Variants in SULF1 observed in about 807,000 individuals in gnomAD.
SULF1 encodes extracellular sulfatase Sulf-1.
In SULF1, 46 loss-of-function variants were observed where a neutral mutation model predicts 110.5. The ratio of observed to expected loss-of-function variants is 0.42; its 90% CI spans 0.33 to 0.53. The LOEUF (loss-of-function observed/expected upper bound fraction) is 0.53, where lower values mean the gene tolerates loss of function less well. Ranked by LOEUF, SULF1 falls within the 20% of genes least tolerant of loss-of-function variation. The probability of loss-of-function intolerance (pLI) is 0.12; values close to 1 mark genes in which losing one functional copy is unlikely to be tolerated. For synonymous variants in SULF1, 371 were observed against 387.1 expected (o/e 0.96, Z 0.49); for missense variants, 941 against 1,094.2 (o/e 0.86, Z 1.98).
At chr8:69,526,386 C>G (rs886586878) in intron 3 of SULF1, among the ~76,000 whole-genome samples, 2 of 152,028 alleles carry the variant, frequency 1.3e-5, no homozygotes, top group Non-Finnish European at 2.9e-5. Context: ...ATTAGTCAAT[C>G]TGTTCAAATG....
At chr8:69,573,049 AT>A (rs1805351344) in intron 5 of SULF1, among the ~76,000 whole-genome samples, 2 of 152,286 alleles carry the variant, frequency 1.3e-5, no homozygotes, top group South Asian at 4.1e-4. Flanking sequence ...CTGGTCTTGA[AT>A]TCCCCGCCTC....
intron 9 of SULF1, 122 bp downstream of exon 9, chr8:69,600,875 G>A: frequency 1.8e-6 from 2 of 1,118,142 alleles, no homozygotes; most frequent in Middle Eastern, 2.1e-4. Flanking sequence ...GAGAGAGAAA[G>A]AAAGAGAGAG....
intron 3 of SULF1, among the ~76,000 whole-genome samples, chr8:69,504,027 T>C (rs1331439751): frequency 6.6e-6 from 1 of 152,046 alleles, no homozygotes; most frequent in Non-Finnish European, 1.5e-5. Flanking sequence ...CTCGATCTCT[T>C]GACCTCGTGA....
At chr8:69,525,783 C>G (rs1451010236) in intron 3 of SULF1, among the ~76,000 whole-genome samples, 2 of 152,238 alleles carry the variant, frequency 1.3e-5, no homozygotes, top group Admixed American at 6.5e-5. Flanking sequence ...CCACAGGTTC[C>G]ACTCTCAGGG....
At chr8:69,599,279 A>G (rs924382316) in intron 8 of SULF1, among the ~76,000 whole-genome samples, 3 of 152,212 alleles carry the variant, frequency 2.0e-5, no homozygotes, top group Admixed American at 6.5e-5. Flanking sequence ...TCAGACAGAG[A>G]TTGGGAATCA....
At chr8:69,524,829 A>C (rs1812551182) in intron 3 of SULF1, among the ~76,000 whole-genome samples, 1 of 152,208 alleles carries the variant, frequency 6.6e-6, no homozygotes, top group Non-Finnish European at 1.5e-5. Flanking sequence ...ATAAACAAGA[A>C]AATCCTTAGA....
chr8:69,651,057 T>C (rs865858724), intron 22 of SULF1, among the ~76,000 whole-genome samples: 3,599 of 132,344 alleles, frequency 0.027, 65 homozygotes, highest in Middle Eastern at 0.062. Context: ...TTTTCTTTTC[T>C]TTTTTTTTTT....
intron 8 of SULF1, among the ~76,000 whole-genome samples, chr8:69,591,656 T>C (rs577608697): frequency 3.9e-4 from 60 of 152,204 alleles, no homozygotes; most frequent in African/African-American, 1.4e-3. Flanking sequence ...CAGTGCCACA[T>C]GTGACACTAT....
At chr8:69,502,235 T>C (rs997663630) in intron 3 of SULF1, among the ~76,000 whole-genome samples, 16 of 152,116 alleles carry the variant, frequency 1.1e-4, no homozygotes, top group African/African-American at 3.9e-4. Context: ...TAAACAATCA[T>C]ATGACTATTG....
intron 3 of SULF1, among the ~76,000 whole-genome samples, chr8:69,522,868 TAGAG>T (rs903879373): frequency 6.6e-6 from 1 of 151,618 alleles, no homozygotes; most frequent in Non-Finnish European, 1.5e-5. Flanking sequence ...AATGGTGAAG[TAGAG>T]AGAGAGAAAG....
intron 1 of SULF1, among the ~76,000 whole-genome samples, chr8:69,470,260 A>G (rs1236494799): frequency 6.6e-6 from 1 of 152,056 alleles, no homozygotes; most frequent in Non-Finnish European, 1.5e-5. Context: ...GGTCGCTTTT[A>G]TCATTATTGA....
chr8:69,658,537 C>G lies in SULF1; in HGVS notation c.*2C>G, dbSNP rs141331130. 6.2e-7 allele frequency: 1 copy of G among 1,610,158 alleles called. No individual in the cohort carries two copies. The highest frequency in any genetic ancestry group is 1.7e-5 in the Admixed American group (1 of 59,770). On this transcript the variant is annotated 3_prime_UTR_variant, in exon 23 of 23. Coordinates refer to ENST00000402687, the MANE Select transcript of SULF1 (RefSeq NM_001128205.2). ...TTATGGGATGGATGGGAAGGTTAAT[C>G]AGCCCCGTCTCACTGCAGACATCAA...
At chr8:69,577,364 A>G (rs1342573159) in intron 6 of SULF1, among the ~76,000 whole-genome samples, 3 of 152,184 alleles carry the variant, frequency 2.0e-5, no homozygotes, top group Non-Finnish European at 4.4e-5. Context: ...GCTCTGTTTT[A>G]TAACTGAGGT....
intron 1 of SULF1, among the ~76,000 whole-genome samples, chr8:69,482,133 C>A (rs1663640478): frequency 6.6e-6 from 1 of 152,094 alleles, no homozygotes; most frequent in South Asian, 2.1e-4. Context: ...TAAGTCCTTG[C>A]AGGAGGAATG....
At chr8:69,643,711 C>T (rs1384706945) in intron 22 of SULF1, among the ~76,000 whole-genome samples, 2 of 151,852 alleles carry the variant, frequency 1.3e-5, no homozygotes, top group African/African-American at 4.8e-5. Flanking sequence ...TTTGCTGTTC[C>T]CTGTGTGTGA....
At chr8:69,535,972 T>C (rs570187975) in intron 3 of SULF1, among the ~76,000 whole-genome samples, 4 of 151,654 alleles carry the variant, frequency 2.6e-5, no homozygotes, top group Middle Eastern at 3.4e-3. Context: ...GAGCCGAGAT[T>C]GTACCATTGC....
chr8:69,647,093 G>C (rs1811976920), intron 22 of SULF1, among the ~76,000 whole-genome samples: 1 of 151,496 alleles, frequency 6.6e-6, no homozygotes, highest in African/African-American at 2.4e-5. Flanking sequence ...TACAGGCACA[G>C]ACCACCATGC....
At chr8:69,527,628 T>C (rs1250458962) in intron 3 of SULF1, among the ~76,000 whole-genome samples, 1 of 152,258 alleles carries the variant, frequency 6.6e-6, no homozygotes, top group Admixed American at 6.5e-5. Context: ...CCACAGGATG[T>C]ATTTCTGCAC....
At chr8:69,511,202 G>T (rs1008752321) in intron 3 of SULF1, among the ~76,000 whole-genome samples, 2 of 152,032 alleles carry the variant, frequency 1.3e-5, no homozygotes, top group Non-Finnish European at 2.9e-5. Flanking sequence ...AACTACTTTG[G>T]GAATATATTA....
Sources: gnomAD v4.1 joint callset for allele counts (sites outside exome capture counted in the v4.1 genomes callset) on GRCh38, gnomAD v4.1.1 for gene constraint, MANE v1.5 for transcripts, NCBI Gene and HGNC (gene_info 2026-07-23, HGNC 2026-07-21) for gene names.